SOX6: variants seen among roughly 807,000 people sequenced by gnomAD.
The protein encoded by SOX6 is SRY-box transcription factor 6, also known as transcription factor SOX-6.
In SOX6, 11 loss-of-function variants were observed where a neutral mutation model predicts 97.8. The ratio of observed to expected loss-of-function variants is 0.11; its 90% CI spans 0.07 to 0.19. The LOEUF (loss-of-function observed/expected upper bound fraction) is 0.19. SOX6 is among the 10% of genes least tolerant of loss of function. The pLI is 1.00. For synonymous variants in SOX6, 360 were observed against 371.4 expected, an observed-to-expected ratio of 0.97 and a Z score of 0.35; for missense variants, 810 against 1,039.5, an observed-to-expected ratio of 0.78 and a Z score of 3.04.
At chr11:16,720,548 TG>T (rs1383075005) in intron 2 of SOX6, among the ~76,000 whole-genome samples, 3 of 80,288 alleles carry the variant, frequency 3.7e-5, no homozygotes, top group African/African-American at 1.4e-4. Flanking sequence ...TGTTGTGGGG[TG>T]GGGGGAGGGG....
At chr11:16,134,947 C>T (rs750713612) in intron 6 of SOX6, among the ~76,000 whole-genome samples, 2 of 152,202 alleles carry the variant, frequency 1.3e-5, no homozygotes, top group Non-Finnish European at 2.9e-5. Flanking sequence ...AAAGGACAGG[C>T]TGACTCTCTT....
At chr11:16,321,592 T>C (rs373082121) in intron 2 of SOX6, among the ~76,000 whole-genome samples, 213 of 152,224 alleles carry the variant, frequency 1.4e-3, no homozygotes, top group Non-Finnish European at 2.2e-3. Context: ...ACTGCCATCC[T>C]GCACCACAGA....
chr11:16,667,735 T>C (rs1847817866), intron 3 of SOX6, among the ~76,000 whole-genome samples: 1 of 152,100 alleles, frequency 6.6e-6, no homozygotes, highest in Non-Finnish European at 1.5e-5. Flanking sequence ...GAAAAAATCA[T>C]CTTAAGGTAC....
chr11:16,475,948 C>A (rs1254594578), intron 1 of SOX6, among the ~76,000 whole-genome samples: 2 of 152,154 alleles, frequency 1.3e-5, no homozygotes, highest in Non-Finnish European at 2.9e-5. Context: ...CAAGTACAGA[C>A]AACCAGAAGA....
At chr11:16,026,806 A>G (rs1855227389) in intron 12 of SOX6, among the ~76,000 whole-genome samples, 1 of 152,180 alleles carries the variant, frequency 6.6e-6, no homozygotes, top group Non-Finnish European at 1.5e-5. Context: ...ATTAAAATTT[A>G]GAAACTGTTT....
At chr11:16,698,308 T>A (rs1848068744) in intron 3 of SOX6, among the ~76,000 whole-genome samples, 1 of 152,192 alleles carries the variant, frequency 6.6e-6, no homozygotes, top group Non-Finnish European at 1.5e-5. Context: ...TTAAACCTCA[T>A]GAACCAACCT....
At chr11:16,154,891 T>G (rs899027561) in intron 6 of SOX6, among the ~76,000 whole-genome samples, 5 of 152,036 alleles carry the variant, frequency 3.3e-5, no homozygotes, top group Non-Finnish European at 7.4e-5. Flanking sequence ...TGGGGCAGTT[T>G]GGGCTGCACA....
chr11:16,552,621 C>G (rs1194552002), intron 4 of SOX6, among the ~76,000 whole-genome samples: 2 of 152,154 alleles, frequency 1.3e-5, no homozygotes, highest in Non-Finnish European at 2.9e-5. Flanking sequence ...ACCCATGACA[C>G]TTAATAAAGG....
At chr11:16,574,959 G>A (rs1847969060) in intron 4 of SOX6, among the ~76,000 whole-genome samples, 1 of 151,502 alleles carries the variant, frequency 6.6e-6, no homozygotes, top group Non-Finnish European at 1.5e-5. Flanking sequence ...AGAATCGCTT[G>A]AACCCAGGAG....
intron 4 of SOX6, among the ~76,000 whole-genome samples, chr11:16,570,184 T>G (rs533570298): frequency 7.2e-5 from 11 of 152,276 alleles, no homozygotes; most frequent in African/African-American, 2.6e-4. Context: ...TTACCACATA[T>G]TCTAGCAATT....
At chr11:16,561,080 T>C (rs1449130808) in intron 4 of SOX6, among the ~76,000 whole-genome samples, 1 of 151,600 alleles carries the variant, frequency 6.6e-6, no homozygotes, top group Non-Finnish European at 1.5e-5. Flanking sequence ...AACTTATCCA[T>C]GTAACCAAAA....
intron 2 of SOX6, among the ~76,000 whole-genome samples, chr11:16,339,557 T>C (rs1379916588): frequency 6.6e-6 from 1 of 152,014 alleles, no homozygotes; most frequent in East Asian, 1.9e-4. Context: ...CATTATGTTC[T>C]CACATAGCAT....
intron 4 of SOX6, among the ~76,000 whole-genome samples, chr11:16,591,566 C>G (rs760056695): frequency 6.6e-6 from 1 of 151,850 alleles, no homozygotes; most frequent in Non-Finnish European, 1.5e-5. Context: ...ATTTTGTTAC[C>G]AAAAATTCTA....
chr11:16,731,343 C>G (rs1222796990), intron 2 of SOX6, among the ~76,000 whole-genome samples: 1 of 152,114 alleles, frequency 6.6e-6, no homozygotes, highest in Non-Finnish European at 1.5e-5. Flanking sequence ...TGTGAAAATC[C>G]TCAATAAAAT....
intron 6 of SOX6, among the ~76,000 whole-genome samples, chr11:16,140,920 C>A (rs1402372950): frequency 6.6e-6 from 1 of 152,112 alleles, no homozygotes; most frequent in Non-Finnish European, 1.5e-5. Context: ...CTTAGCTGGG[C>A]ACAGTGGCTC....
chr11:16,382,054 AATCATT>A (rs1857838032), intron 1 of SOX6, among the ~76,000 whole-genome samples: 1 of 152,026 alleles, frequency 6.6e-6, no homozygotes, highest in African/African-American at 2.4e-5. Context: ...TCTTACGTTT[AATCATT>A]ATAAAAGAGG....
chr11:16,032,371 A>G (rs1289536815), intron 12 of SOX6, among the ~76,000 whole-genome samples: 2 of 152,188 alleles, frequency 1.3e-5, no homozygotes, highest in Non-Finnish European at 2.9e-5. Context: ...GATTTCTGTG[A>G]ACATCAAATG....
chr11:16,295,116 T>C (rs890960079), intron 3 of SOX6, among the ~76,000 whole-genome samples: 1 of 152,028 alleles, frequency 6.6e-6, no homozygotes, highest in African/African-American at 2.4e-5. Flanking sequence ...ATTTAGAAAA[T>C]TATAAGGTAA....
chr11:16,633,758 A>G (rs913030812), intron 3 of SOX6, among the ~76,000 whole-genome samples: 1 of 152,238 alleles, frequency 6.6e-6, no homozygotes. Flanking sequence ...AATTCCATAT[A>G]TAACTCTTGC....
Sources: gnomAD v4.1 joint callset for allele counts (sites outside exome capture counted in the v4.1 genomes callset) on GRCh38, gnomAD v4.1.1 for gene constraint, MANE v1.5 for transcripts, NCBI Gene and HGNC (gene_info 2026-07-23, HGNC 2026-07-21) for gene names.